Variants in DAB1 observed in about 807,000 individuals in gnomAD.
The protein encoded by DAB1 is DAB adaptor protein 1, also known as disabled homolog 1.
A neutral mutation model predicts 64.6 loss-of-function variants in DAB1; 15 were observed. The observed-to-expected ratio is 0.23, with a 90% CI of 0.16 to 0.36. The LOEUF (loss-of-function observed/expected upper bound fraction) is 0.36. Ranked by LOEUF, DAB1 falls within the 10% of genes least tolerant of loss-of-function variation. The pLI is 1.00. For synonymous variants in DAB1, 235 were observed against 251.9 expected, an observed-to-expected ratio of 0.93 and a Z score of 0.64; for missense variants, 596 against 706.7, an observed-to-expected ratio of 0.84 and a Z score of 1.78.
intron 7 of DAB1, among the ~76,000 whole-genome samples, chr1:57,497,756 G>T (rs1644246943): frequency 6.6e-6 from 1 of 152,188 alleles, no homozygotes; most frequent in African/African-American, 2.4e-5. Flanking sequence ...TATGGATGGA[G>T]GAATAGATAG....
rs115644894 is a variant in DAB1, at chr1:57,416,602, T to C, written c.-137+7328A>G. On this transcript the variant is annotated intron_variant, in intron 1 of 14. Transcript: ENST00000371236. ...AATGACTTTCAACAGATAATTATTA[T>C]AATTCACTCCCAAATCTAGATTACA... Among the ~76,000 whole-genome samples the C allele has an allele frequency of 8.2e-3, 1,255 of 152,308 alleles. 11 individuals are homozygous for C. Among genetic ancestry groups the C allele is most frequent in the African/African-American group, 0.028 (1,182 of 41,580 alleles).
chr1:57,371,070 C>T (rs1319579654), intron 1 of DAB1, among the ~76,000 whole-genome samples: 3 of 152,228 alleles, frequency 2.0e-5, no homozygotes, highest in African/African-American at 7.2e-5. Context: ...GAATAAGTAG[C>T]GGCTATATGC....
At chr1:57,439,202 A>G (rs1374422475) in intron 7 of DAB1, among the ~76,000 whole-genome samples, 1 of 152,102 alleles carries the variant, frequency 6.6e-6, no homozygotes, top group African/African-American at 2.4e-5. Flanking sequence ...TTAGTCTCCT[A>G]AAGGAAACAG....
At chr1:57,502,277 C>T (rs1184362671) in intron 7 of DAB1, among the ~76,000 whole-genome samples, 2 of 146,968 alleles carry the variant, frequency 1.4e-5, no homozygotes, top group Non-Finnish European at 3.0e-5. Flanking sequence ...CCGAGATTGG[C>T]CACTGCACTC....
intron 4 of DAB1, among the ~76,000 whole-genome samples, chr1:57,111,430 G>A (rs1329330069): frequency 6.6e-6 from 1 of 152,036 alleles, no homozygotes; most frequent in Non-Finnish European, 1.5e-5. Context: ...TCAGGGCTGG[G>A]GCACACCCTC....
chr1:58,085,958 CT>C (rs911523306), intron 5 of DAB1, among the ~76,000 whole-genome samples: 188 of 98,704 alleles, frequency 1.9e-3, no homozygotes, highest in East Asian at 5.2e-3. Context: ...ATCTCTCTCT[CT>C]TTTTTTTTTT....
chr1:57,884,409 C>T (rs1271082821), upstream of DAB1, among the ~76,000 whole-genome samples: 2 of 152,096 alleles, frequency 1.3e-5, no homozygotes, highest in Admixed American at 6.5e-5. Flanking sequence ...ATGGGAAGGA[C>T]ATGAATAAAA....
At position 57,374,735 on chromosome 1, in the gene DAB1, C is replaced by A. The variant is rs186815513; in HGVS notation, c.-137+49195G>T. On this transcript the variant is annotated intron_variant, in intron 1 of 14. Transcript: ENST00000371236. ...CTGCACACTACAATCATTTAGAAAT[C>A]TTTTATAAAATACCTGGGTAGCACC... Among the ~76,000 whole-genome samples the A allele has an allele frequency of 3.9e-5, 6 of 152,238 alleles. No homozygotes were observed. The South Asian group carries it at 6.2e-4, about 16-fold the overall frequency.
chr1:58,144,500 A>G (rs143472048), intron 5 of DAB1, among the ~76,000 whole-genome samples: 20 of 152,378 alleles, frequency 1.3e-4, no homozygotes, highest in African/African-American at 4.8e-4. Flanking sequence ...CTTACAATTC[A>G]CCAGGCATTG....
chr1:58,068,300 T>C (rs549255752), intron 5 of DAB1, among the ~76,000 whole-genome samples: 1 of 152,252 alleles, frequency 6.6e-6, no homozygotes, highest in Non-Finnish European at 1.5e-5. Context: ...GAGGCTTCTA[T>C]AATGCTTTTG....
At chr1:57,138,401 T>A (rs1390026630) in intron 3 of DAB1, among the ~76,000 whole-genome samples, 1 of 152,128 alleles carries the variant, frequency 6.6e-6, no homozygotes, top group Non-Finnish European at 1.5e-5. Flanking sequence ...CCAGTGATTA[T>A]CCTTTATATT....
intron 7 of DAB1, among the ~76,000 whole-genome samples, chr1:57,523,281 A>G (rs1020015905): frequency 2.6e-5 from 4 of 152,194 alleles, no homozygotes; most frequent in Non-Finnish European, 5.9e-5. Context: ...GGTTCCAGAG[A>G]AAATACCAAA....
At chr1:58,419,413 A>G (rs1644751396) in intron 3 of DAB1, among the ~76,000 whole-genome samples, 1 of 152,230 alleles carries the variant, frequency 6.6e-6, no homozygotes, top group Admixed American at 6.5e-5. Context: ...ATATGAAAAT[A>G]TAAGCTATGA....
At chr1:57,000,527 A>G (rs1284946496) in intron 14 of DAB1, among the ~76,000 whole-genome samples, 2 of 152,230 alleles carry the variant, frequency 1.3e-5, no homozygotes, top group Admixed American at 6.5e-5. Context: ...TAGTAAGATT[A>G]TGATTTATTA....
intron 2 of DAB1, among the ~76,000 whole-genome samples, chr1:57,214,889 C>A (rs113235082): frequency 2.6e-5 from 3 of 113,616 alleles, no homozygotes; most frequent in East Asian, 2.5e-4. Context: ...CCAGCCTGGG[C>A]GACAGAGCAA....
intron 4 of DAB1, among the ~76,000 whole-genome samples, chr1:58,247,707 G>A (rs1660611310): frequency 6.6e-6 from 1 of 151,840 alleles, no homozygotes; most frequent in Non-Finnish European, 1.5e-5. Context: ...GGCTCTGGTC[G>A]CTCCCTCTTA....
chr1:58,197,405 C>CTT (rs67608803), intron 4 of DAB1, among the ~76,000 whole-genome samples: 41,824 of 147,918 alleles, frequency 0.28, 6,133 homozygotes, highest in South Asian at 0.44. Context: ...GAGAGTTACA[C>CTT]TTTTTTTTTT....
At chr1:57,011,024 G>T in intron 13 of DAB1, 121 bp downstream of exon 13, 1 of 1,334,532 alleles carries the variant, frequency 7.5e-7, no homozygotes, top group South Asian at 1.4e-5. Flanking sequence ...AACCCCTTGA[G>T]AACTTATGAG....
chr1:58,032,331 G>A (rs1646984165), intron 5 of DAB1, among the ~76,000 whole-genome samples: 1 of 152,114 alleles, frequency 6.6e-6, no homozygotes, highest in African/African-American at 2.4e-5. Context: ...CACATAACAG[G>A]TAATAAAAAT....
Sources: allele counts gnomAD v4.1 joint callset (sites outside exome capture counted in the v4.1 genomes callset), GRCh38; gene constraint gnomAD v4.1.1; transcripts MANE v1.5; gene names NCBI Gene and HGNC (gene_info 2026-07-23, HGNC 2026-07-21).